TMEM39A: variants seen among roughly 807,000 people sequenced by gnomAD.
The protein encoded by TMEM39A is suppressor of SQST-1 aggregates in rpl-43 mutants.
TMEM39A carries 19 observed loss-of-function variants against 51.9 expected under a neutral mutation model. The observed-to-expected ratio is 0.37, with a 90% CI of 0.26 to 0.54. The LOEUF is 0.54. Ranked by LOEUF, TMEM39A falls within the 20% of genes least tolerant of loss-of-function variation. The pLI, the probability that TMEM39A is intolerant of heterozygous loss-of-function variation, is 0.88. For missense variants in TMEM39A, 433 were observed against 590.5 expected (o/e 0.73, Z 2.76); for synonymous variants, 197 against 220.2 (o/e 0.89, Z 0.93).
At chr3:119,450,487 C>T (rs915981847) in intron 4 of TMEM39A, among the ~76,000 whole-genome samples, 3 of 152,106 alleles carry the variant, frequency 2.0e-5, no homozygotes, top group South Asian at 2.1e-4. Context: ...TTTGATAAAA[C>T]GATGTTTAAA....
intron 5 of TMEM39A, among the ~76,000 whole-genome samples, chr3:119,438,757 AT>A (rs1217747667): frequency 2.0e-5 from 3 of 152,100 alleles, no homozygotes; most frequent in Non-Finnish European, 4.4e-5. Context: ...TTTACTTCAA[AT>A]GTCCCTTTCT....
At chr3:119,446,398 C>A (rs564768722) in intron 5 of TMEM39A, among the ~76,000 whole-genome samples, 2 of 152,288 alleles carry the variant, frequency 1.3e-5, no homozygotes, top group East Asian at 1.9e-4. Flanking sequence ...GTAGCATGCA[C>A]GGCACAGACA....
rs1577042695 is a variant in TMEM39A, at chr3:119,429,664, A to C, written c.*2317T>G. The stretch of plus-strand genomic sequence containing the variant: ...ACAAAAACAAAACAACAAAACAAAC[A>C]AACAAAAAACAGCTGGAATGTGTAG... On this transcript the variant is annotated 3_prime_UTR_variant, in exon 9 of 9. Coordinates refer to ENST00000319172, the MANE Select transcript of TMEM39A (RefSeq NM_018266.3). 6.6e-6 allele frequency: 1 copy of C among 152,138 alleles called. No homozygotes were observed. The highest frequency in any genetic ancestry group is 2.1e-4 in the South Asian group (1 of 4,834). 9.4% of individuals were successfully genotyped at this position (152,138 alleles called of 1,614,324 possible).
In TMEM39A at chr3:119,452,459, A is replaced by G. The variant is rs1348367685; in HGVS notation, c.408T>C (p.Ala136=). The G allele has an allele frequency of 1.2e-6, 2 of 1,613,460 alleles. No homozygotes were observed. The highest frequency in any genetic ancestry group is 1.1e-5 in the South Asian group (1 of 91,052). The change falls in exon 4 of 9, where the codon GCT becomes GCC. Residue 136 remains alanine (A), a synonymous_variant. Transcript: ENST00000319172. ...AATGAACTGTTACCTCTGAGATGAG[A>G]GCCCATACAAGCCTCCTCGCAAGCA... The part of the protein sequence containing the change: ...TVMLARRLVW[A]LISEATKAGA...
rs1353936619 is a variant in TMEM39A, at chr3:119,434,885, A to G, written c.1113-3T>C. 2 of 1,612,550 alleles carry G rather than the reference A, an allele frequency of 1.2e-6. No individual in the cohort carries two copies. The highest frequency in any genetic ancestry group is 1.7e-6 in the Non-Finnish European group (2 of 1,179,002). On this transcript the variant is annotated splice_polypyrimidine_tract_variant and splice_region_variant and intron_variant, in intron 7 of 8. Transcript: ENST00000319172. ...GCCATATTGTATTTTCTGACCAACT[A>G]AGGGAGAAAGAAATGCAATGTTAGC...
At chr3:119,434,947 G>T in intron 7 of TMEM39A, 65 bp from the exon 8 acceptor site, 2 of 1,565,590 alleles carry the variant, frequency 1.3e-6, no homozygotes, top group Non-Finnish European at 1.7e-6. Flanking sequence ...ATCTGGCAAG[G>T]CCAGCTGTAT....
Position 119,462,154 on chromosome 3 carries a change from C to T in TMEM39A, c.-74-6G>A, listed in dbSNP as rs1425832492. The stretch of plus-strand genomic sequence containing the variant: ...GTTGTCAACCAGTTTCAACTCTGAA[C>T]GACAACAAAAACATTTAAACATCAG... On this transcript the variant is annotated splice_polypyrimidine_tract_variant and splice_region_variant and intron_variant, in intron 1 of 8. Coordinates refer to ENST00000319172, the MANE Select transcript of TMEM39A (RefSeq NM_018266.3). 9.5e-7 allele frequency: 1 copy of T among 1,056,888 alleles called. No homozygotes were observed. 65.5% of individuals were successfully genotyped at this position (1,056,888 alleles called of 1,614,324 possible).
At chr3:119,439,194 C>G (rs2081016283) in intron 5 of TMEM39A, among the ~76,000 whole-genome samples, 1 of 152,102 alleles carries the variant, frequency 6.6e-6, no homozygotes, top group Non-Finnish European at 1.5e-5. Context: ...TACTTCAAGT[C>G]CTCATTAAGT....
chr3:119,452,585 G>A, intron 3 of TMEM39A, 55 bp from the exon 4 acceptor site: 3 of 1,383,538 alleles, frequency 2.2e-6, no homozygotes, highest in Non-Finnish European at 3.1e-6. Context: ...TATTCAGCTG[G>A]CACTACTACA....
At chr3:119,439,048 A>G (rs2081014695) in intron 5 of TMEM39A, among the ~76,000 whole-genome samples, 1 of 152,218 alleles carries the variant, frequency 6.6e-6, no homozygotes, top group South Asian at 2.1e-4. Context: ...TAAACTTCTC[A>G]TTAATAAAAA....
At chr3:119,447,252 T>A (rs2081140115) in intron 4 of TMEM39A, 80 bp from the exon 5 acceptor site, 1 of 1,457,634 alleles carries the variant, frequency 6.9e-7, no homozygotes, top group South Asian at 1.3e-5. Flanking sequence ...AAGAACTTAA[T>A]AGGTTTAGTG....
At chr3:119,455,890 A>G (rs923928130) in intron 3 of TMEM39A, among the ~76,000 whole-genome samples, 1 of 152,222 alleles carries the variant, frequency 6.6e-6, no homozygotes, top group African/African-American at 2.4e-5. Flanking sequence ...GGACTAAAAC[A>G]GGAAGTAAAG....
At chr3:119,439,462 T>A (rs1040912482) in intron 5 of TMEM39A, among the ~76,000 whole-genome samples, 8 of 150,752 alleles carry the variant, frequency 5.3e-5, no homozygotes, top group African/African-American at 2.0e-4. Context: ...GCACCTGCAA[T>A]CCCAGCTACT....
chr3:119,462,655 A>G (rs957727577), intron 1 of TMEM39A, among the ~76,000 whole-genome samples: 1,400 of 13,216 alleles, frequency 0.11, no homozygotes, highest in Non-Finnish European at 0.12. Flanking sequence ...GGGGGGGGGG[A>G]GTGTCCCCTG....
intron 7 of TMEM39A, chr3:119,435,736 C>T (rs895250081): frequency 6.9e-6 from 7 of 1,007,326 alleles, no homozygotes; most frequent in Non-Finnish European, 8.3e-6. Context: ...AATGTTCCAC[C>T]GGCCTTGCTC....
At chr3:119,448,702 A>G (rs1667431935) in intron 4 of TMEM39A, among the ~76,000 whole-genome samples, 1 of 152,176 alleles carries the variant, frequency 6.6e-6, no homozygotes, top group Non-Finnish European at 1.5e-5. Flanking sequence ...TTTACCTCAC[A>G]TATCAAAGCT....
chr3:119,462,650 G>GGGGGGGGGGT (rs2081354856), intron 1 of TMEM39A, among the ~76,000 whole-genome samples: 1 of 92,024 alleles, frequency 1.1e-5, no homozygotes, highest in Non-Finnish European at 2.2e-5. Context: ...GGGGCGGGGG[G>GGGGGGGGGGT]GGGGAGTGTC....
In TMEM39A at chr3:119,436,784, T is replaced by TA. The variant is rs1560009050; in HGVS notation, c.1112+6dup. ...TGTTACATGGTTTTACCCTCTAGCTTACTCACATGTGCTGTGGAGCATTGC... is the reference window on the plus strand; with the variant it reads ...TGTTACATGGTTTTACCCTCTAGCTTAACTCACATGTGCTGTGGAGCATTGC... On this transcript the variant is annotated splice_region_variant and intron_variant, in intron 7 of 8. Transcript: ENST00000319172. The TA allele has an allele frequency of 6.2e-7, 1 of 1,606,512 alleles. No homozygotes were observed.
At chr3:119,442,342 C>CAA (rs34133941) in intron 5 of TMEM39A, among the ~76,000 whole-genome samples, 167 of 101,642 alleles carry the variant, frequency 1.6e-3, no homozygotes, top group Non-Finnish European at 2.4e-3. Flanking sequence ...GACTCCATCT[C>CAA]AAAAAAAAAA....
Sources: gnomAD v4.1 joint callset for allele counts (sites outside exome capture counted in the v4.1 genomes callset) on GRCh38, gnomAD v4.1.1 for gene constraint, MANE v1.5 for transcripts, NCBI Gene and HGNC (gene_info 2026-07-23, HGNC 2026-07-21) for gene names.